The following DNAJC1 variants were observed in gnomAD, a reference collection of about 807,000 sequenced individuals.
DNAJC1 encodes the protein dnaJ homolog subfamily C member 1.
Under a neutral mutation model 76.6 loss-of-function variants are expected in DNAJC1, and 58 were observed. The ratio of observed to expected loss-of-function variants is 0.76; its 90% CI spans 0.61 to 0.94. The LOEUF (loss-of-function observed/expected upper bound fraction) is 0.94, where lower values mean the gene tolerates loss of function less well. DNAJC1 is among the 40% of genes least tolerant of loss of function. The pLI, the probability that DNAJC1 is intolerant of heterozygous loss-of-function variation, is 0.00. For synonymous variants in DNAJC1, 258 were observed against 267.9 expected, an observed-to-expected ratio of 0.96 and a Z score of 0.36; for missense variants, 689 against 677.3, an observed-to-expected ratio of 1.02 and a Z score of -0.19.
rs560929936 is a variant in DNAJC1, at chr10:21,804,983, G to A, written c.1098+997C>T. On this transcript the variant is annotated intron_variant, in intron 9 of 11. Coordinates refer to ENST00000376980, the MANE Select transcript of DNAJC1 (RefSeq NM_022365.4). ...TGCGCAACTGTAATAATTTCTGTAC[G>A]TTTCTTTCTAAACTAAAAAGTGGAA... is the stretch of plus-strand genomic sequence containing the variant. Among the ~76,000 whole-genome samples the A allele has an allele frequency of 9.2e-5, 14 of 152,076 alleles. No individual in the cohort carries two copies. In the South Asian group the frequency reaches 1.5e-3, roughly 16 times the overall value.
rs1836295904 is a variant in DNAJC1, at chr10:21,882,322, T to A, written c.938A>T (p.Asp313Val). 3.1e-6 allele frequency: 5 copies of A among 1,601,374 alleles called. No homozygotes were observed. Among genetic ancestry groups the A allele is most frequent in the Non-Finnish European group, 3.4e-6 (4 of 1,176,780 alleles). ...TSIEEIEEQM[D>V]DWLENRNRTQ... ...TCGGTTCCTGTTTTCCAACCAATCA[T>A]CCATTTGTTCCTCAATTTCTTCTAT... Residue 313 changes from aspartate (D) to valine (V), a missense_variant, in exon 8 of 12, where the codon GAT becomes GTT. Physicochemically the swap from Asp to Val is radical, Grantham distance 152. Coordinates refer to ENST00000376980, the MANE Select transcript of DNAJC1 (RefSeq NM_022365.4).
chr10:21,821,545 C>T (rs763804020), intron 8 of DNAJC1, among the ~76,000 whole-genome samples: 2 of 151,866 alleles, frequency 1.3e-5, no homozygotes, highest in African/African-American at 2.4e-5. Flanking sequence ...ATGAGAAAAT[C>T]GATGGGAAGC....
chr10:21,810,741 C>CA (rs1004753681), intron 8 of DNAJC1, among the ~76,000 whole-genome samples: 1 of 152,100 alleles, frequency 6.6e-6, no homozygotes, highest in African/African-American at 2.4e-5. Flanking sequence ...TTTAACAGCC[C>CA]AATTTGACCA....
At chr10:21,851,091 T>C (rs1311311731) in intron 8 of DNAJC1, among the ~76,000 whole-genome samples, 1 of 152,222 alleles carries the variant, frequency 6.6e-6, no homozygotes, top group Non-Finnish European at 1.5e-5. Flanking sequence ...ATTCACGCTC[T>C]TGGATTTGAC....
chr10:21,790,947 AAT>A (rs1294187230), intron 9 of DNAJC1, among the ~76,000 whole-genome samples: 1 of 152,190 alleles, frequency 6.6e-6, no homozygotes, highest in Non-Finnish European at 1.5e-5. Flanking sequence ...AATTTTTAAA[AAT>A]ATGAGTCAAC....
At chr10:21,970,825 C>T (rs1432084401) in intron 1 of DNAJC1, among the ~76,000 whole-genome samples, 1 of 151,898 alleles carries the variant, frequency 6.6e-6, no homozygotes, top group Non-Finnish European at 1.5e-5. Context: ...TAATCATACC[C>T]TAATTTTTCT....
chr10:21,909,598 A>C (rs1283865374), intron 6 of DNAJC1, among the ~76,000 whole-genome samples: 1 of 152,238 alleles, frequency 6.6e-6, no homozygotes, highest in Non-Finnish European at 1.5e-5. Context: ...ATTACTGGCA[A>C]AGAAAGTGGT....
At chr10:21,804,023 CA>C in intron 9 of DNAJC1, 3 of 959,574 alleles carry the variant, frequency 3.1e-6, no homozygotes, top group Non-Finnish European at 3.7e-6. Flanking sequence ...GATGAATTTG[CA>C]AAAGTTTAAA....
At chr10:21,987,634 A>T (rs1838267932) in intron 1 of DNAJC1, among the ~76,000 whole-genome samples, 1 of 152,180 alleles carries the variant, frequency 6.6e-6, no homozygotes, top group South Asian at 2.1e-4. Flanking sequence ...TACCTCATTT[A>T]ATTTCCCATT....
intron 10 of DNAJC1, among the ~76,000 whole-genome samples, chr10:21,763,495 A>G (rs1834263209): frequency 6.6e-6 from 1 of 151,696 alleles, no homozygotes; most frequent in Admixed American, 6.6e-5. Context: ...GGGGGCCAGG[A>G]ACCCAGACTC....
At chr10:21,966,434 AT>A (rs34646324) in intron 1 of DNAJC1, among the ~76,000 whole-genome samples, 16 of 147,694 alleles carry the variant, frequency 1.1e-4, no homozygotes, top group Admixed American at 4.0e-4. Flanking sequence ...TCTAGTGGTG[AT>A]TTTTTTTTTT....
chr10:21,888,860 TACA>T (rs989789619), intron 7 of DNAJC1, among the ~76,000 whole-genome samples: 7 of 152,172 alleles, frequency 4.6e-5, no homozygotes, highest in African/African-American at 1.4e-4. Flanking sequence ...AAATAATCTG[TACA>T]ACAAGTCCCT....
chr10:21,856,107 T>C (rs1835829203), intron 8 of DNAJC1, among the ~76,000 whole-genome samples: 2 of 152,194 alleles, frequency 1.3e-5, no homozygotes, highest in African/African-American at 2.4e-5. Context: ...GGGAATTTTA[T>C]ACATTCTCCT....
chr10:21,894,621 T>C (rs183045091), intron 7 of DNAJC1, among the ~76,000 whole-genome samples: 61 of 152,294 alleles, frequency 4.0e-4, no homozygotes, highest in Non-Finnish European at 7.2e-4. Context: ...TATTTCATTA[T>C]ATGAAGCTGG....
At chr10:21,917,207 G>A (rs1836971642) in intron 6 of DNAJC1, among the ~76,000 whole-genome samples, 1 of 151,996 alleles carries the variant, frequency 6.6e-6, no homozygotes, top group Non-Finnish European at 1.5e-5. Flanking sequence ...AATTTATGAT[G>A]AGGCAAAACA....
intron 7 of DNAJC1, among the ~76,000 whole-genome samples, chr10:21,887,613 G>GA (rs1836387962): frequency 1.3e-5 from 2 of 152,044 alleles, no homozygotes; most frequent in Non-Finnish European, 2.9e-5. Flanking sequence ...TTTTGACAAA[G>GA]CTGATAAAAA....
At chr10:21,968,517 T>C (rs1272785807) in intron 1 of DNAJC1, among the ~76,000 whole-genome samples, 1 of 151,990 alleles carries the variant, frequency 6.6e-6, no homozygotes, top group East Asian at 1.9e-4. Flanking sequence ...TTTTTTTTTT[T>C]TCTTTTTTGA....
chr10:21,814,636 T>C (rs1835045062), intron 8 of DNAJC1, among the ~76,000 whole-genome samples: 1 of 152,194 alleles, frequency 6.6e-6, no homozygotes, highest in East Asian at 1.9e-4. Context: ...CATTTGGAAA[T>C]GACAGCAAAA....
At chr10:21,834,479 C>T (rs551956298) in intron 8 of DNAJC1, among the ~76,000 whole-genome samples, 6 of 152,168 alleles carry the variant, frequency 3.9e-5, no homozygotes, top group Non-Finnish European at 5.9e-5. Flanking sequence ...AGGTGCAGGA[C>T]AGTAGGTGCA....
Sources: gnomAD v4.1 joint callset for allele counts (sites outside exome capture counted in the v4.1 genomes callset) on GRCh38, gnomAD v4.1.1 for gene constraint, MANE v1.5 for transcripts, NCBI Gene and HGNC (gene_info 2026-07-23, HGNC 2026-07-21) for gene names.